The following TYW1 variants were observed in gnomAD, a reference collection of about 807,000 sequenced individuals.
TYW1 encodes the protein S-adenosyl-L-methionine-dependent tRNA 4-demethylwyosine synthase TYW1.
In TYW1, 46 loss-of-function variants were observed where a neutral mutation model predicts 96.2. The observed-to-expected ratio is 0.48, with a 90% CI of 0.38 to 0.61. The LOEUF (loss-of-function observed/expected upper bound fraction) is 0.61. TYW1 is among the 20% of genes least tolerant of loss of function. TYW1 has a pLI of 0.00. For missense variants in TYW1, 684 were observed against 909.6 expected, an observed-to-expected ratio of 0.75 and a Z score of 3.19; for synonymous variants, 274 against 323.0, an observed-to-expected ratio of 0.85 and a Z score of 1.63.
intron 13 of TYW1, among the ~76,000 whole-genome samples, chr7:67,151,656 G>A (rs1192882317): frequency 1.3e-5 from 2 of 152,174 alleles, no homozygotes; most frequent in Non-Finnish European, 2.9e-5. Flanking sequence ...TGTGTCAGAT[G>A]GCAGAATCTG....
intron 15 of TYW1, among the ~76,000 whole-genome samples, chr7:67,228,034 GT>G (rs1489436345): frequency 6.6e-6 from 1 of 152,092 alleles, no homozygotes; most frequent in African/African-American, 2.4e-5. Flanking sequence ...TCTAATCCTC[GT>G]TTCACAGTTT....
At chr7:67,221,795 T>G (rs1801399897) in intron 15 of TYW1, among the ~76,000 whole-genome samples, 2 of 152,182 alleles carry the variant, frequency 1.3e-5, no homozygotes, top group African/African-American at 4.8e-5. Context: ...CCATTTCAGT[T>G]GTTGATGTCA....
intron 13 of TYW1, among the ~76,000 whole-genome samples, chr7:67,159,382 T>C (rs1262291932): frequency 3.3e-5 from 5 of 152,238 alleles, no homozygotes; most frequent in Non-Finnish European, 7.3e-5. Context: ...AGTAAGGTTA[T>C]ATCTCATGGT....
At chr7:67,012,938 C>T (rs937875533) in intron 4 of TYW1, among the ~76,000 whole-genome samples, 1 of 151,482 alleles carries the variant, frequency 6.6e-6, no homozygotes, top group South Asian at 2.1e-4. Context: ...ATCCAAAAAA[C>T]TTCCCATCCC....
intron 15 of TYW1, among the ~76,000 whole-genome samples, chr7:67,229,772 A>G (rs1801689045): frequency 6.6e-6 from 1 of 152,194 alleles, no homozygotes; most frequent in African/African-American, 2.4e-5. Context: ...TGGGCTGCAT[A>G]GCAAGACTGT....
intron 9 of TYW1, among the ~76,000 whole-genome samples, chr7:67,064,811 A>G (rs996504723): frequency 6.6e-6 from 1 of 152,216 alleles, no homozygotes; most frequent in African/African-American, 2.4e-5. Context: ...TTTTCAACAA[A>G]TGCTGCTGGA....
chr7:67,167,656 A>G (rs1349379824), intron 13 of TYW1, among the ~76,000 whole-genome samples: 1 of 151,740 alleles, frequency 6.6e-6, no homozygotes, highest in African/African-American at 2.4e-5. Context: ...TTATTTTTTT[A>G]AAAAACAATC....
intron 7 of TYW1, among the ~76,000 whole-genome samples, chr7:67,041,448 C>T (rs545109229): frequency 4.1e-4 from 62 of 152,196 alleles, no homozygotes; most frequent in Non-Finnish European, 8.1e-4. Context: ...TTATAGCACC[C>T]GCCACCACGC....
At chr7:67,186,786 G>C (rs73377106) in intron 14 of TYW1, among the ~76,000 whole-genome samples, 52,423 of 151,906 alleles carry the variant, frequency 0.35, 10,171 homozygotes, top group African/African-American at 0.53. Flanking sequence ...AGCCACTGCA[G>C]CCGGCCTAGC....
chr7:67,150,312 A>T (rs897014997), intron 13 of TYW1, among the ~76,000 whole-genome samples: 12 of 152,222 alleles, frequency 7.9e-5, no homozygotes, highest in African/African-American at 2.9e-4. Context: ...TCCACAACAA[A>T]CACAAACCTA....
intron 15 of TYW1, among the ~76,000 whole-genome samples, chr7:67,222,509 T>C (rs1025093280): frequency 1.3e-5 from 2 of 152,158 alleles, no homozygotes; most frequent in African/African-American, 4.8e-5. Flanking sequence ...CATTATTAGC[T>C]TTCTGAGCTC....
intron 15 of TYW1, among the ~76,000 whole-genome samples, chr7:67,226,100 A>G (rs1406673508): frequency 6.6e-6 from 1 of 152,174 alleles, no homozygotes; most frequent in Non-Finnish European, 1.5e-5. Context: ...GACTGAGACA[A>G]TGAAAGAGAT....
intron 4 of TYW1, among the ~76,000 whole-genome samples, chr7:67,014,065 G>A (rs1793919457): frequency 6.6e-6 from 1 of 151,922 alleles, no homozygotes; most frequent in Non-Finnish European, 1.5e-5. Context: ...TGATTGATTT[G>A]GATTTTGTTT....
intron 7 of TYW1, among the ~76,000 whole-genome samples, chr7:67,031,405 C>T (rs1794669863): frequency 5.1e-5 from 3 of 58,866 alleles, no homozygotes; most frequent in Admixed American, 2.1e-4. Flanking sequence ...CCGAGGTGGG[C>T]GGATCACCTG....
chr7:67,025,309 T>A (rs776543454), intron 7 of TYW1, among the ~76,000 whole-genome samples: 78 of 151,912 alleles, frequency 5.1e-4, no homozygotes, highest in Non-Finnish European at 9.9e-4. Context: ...CTGGGCCACA[T>A]TGGTAGAAAA....
At chr7:67,035,405 T>C (rs1794805968) in intron 7 of TYW1, among the ~76,000 whole-genome samples, 1 of 152,074 alleles carries the variant, frequency 6.6e-6, no homozygotes, top group Non-Finnish European at 1.5e-5. Flanking sequence ...CGTGAGCCAC[T>C]GCGCCTGGCC....
At chr7:67,002,849 C>CT (rs1377008206) in intron 3 of TYW1, among the ~76,000 whole-genome samples, 3 of 116,926 alleles carry the variant, frequency 2.6e-5, no homozygotes, top group African/African-American at 9.6e-5. Context: ...TTTTCTTTTT[C>CT]TTTTTTCTTT....
intron 13 of TYW1, among the ~76,000 whole-genome samples, chr7:67,126,967 T>G (rs1438660370): frequency 6.6e-6 from 1 of 152,096 alleles, no homozygotes; most frequent in African/African-American, 2.4e-5. Context: ...TTTTTTCTTT[T>G]GTGGTTTTGA....
At chr7:67,224,243 T>C (rs9692279) in intron 15 of TYW1, among the ~76,000 whole-genome samples, 40,801 of 152,186 alleles carry the variant, frequency 0.27, 5,842 homozygotes, top group African/African-American at 0.36. Context: ...TTGTCCTGCC[T>C]CAGCCTCCCA....
Sources: gnomAD v4.1 joint callset for allele counts (sites outside exome capture counted in the v4.1 genomes callset) on GRCh38, gnomAD v4.1.1 for gene constraint, MANE v1.5 for transcripts, NCBI Gene and HGNC (gene_info 2026-07-23, HGNC 2026-07-21) for gene names.